SCUBE1: variants seen among roughly 807,000 people sequenced by gnomAD.
SCUBE1 encodes signal peptide, CUB domain and EGF like domain containing 1, also known as signal peptide, CUB and EGF-like domain-containing protein 1.
SCUBE1 carries 59 observed loss-of-function variants against 124.4 expected under a neutral mutation model. That is an observed-to-expected ratio of 0.47 (90% CI 0.38 to 0.59). The LOEUF is 0.59. SCUBE1 is among the 20% of genes least tolerant of loss of function. The probability of loss-of-function intolerance (pLI) is 0.00; values close to 1 mark genes in which losing one functional copy is unlikely to be tolerated. For missense variants in SCUBE1, 1,150 were observed against 1,371.2 expected, an observed-to-expected ratio of 0.84 and a Z score of 2.55; for synonymous variants, 545 against 550.9, an observed-to-expected ratio of 0.99 and a Z score of 0.15.
At chr22:43,325,520 A>G (rs1926698291) in intron 2 of SCUBE1, among the ~76,000 whole-genome samples, 1 of 150,206 alleles carries the variant, frequency 6.7e-6, no homozygotes, top group Admixed American at 6.6e-5. Flanking sequence ...AAGAGATTTC[A>G]TGGGTATTAT....
intron 10 of SCUBE1, among the ~76,000 whole-genome samples, chr22:43,227,002 AC>A (rs1404925238): frequency 6.6e-6 from 1 of 152,108 alleles, no homozygotes. Context: ...AGGGGAAGCT[AC>A]CAGAGGAGAG....
At chr22:43,339,064 C>T (rs1261152827) in intron 2 of SCUBE1, 40 bp downstream of exon 2, 3 of 1,609,618 alleles carry the variant, frequency 1.9e-6, no homozygotes, top group East Asian at 4.5e-5. Flanking sequence ...GCAGCCCTGG[C>T]AGCCTCAGGG....
chr22:43,339,104 C>T lies in SCUBE1; in HGVS notation c.220G>A (p.Asp74Asn). Residue 74 changes from aspartate to asparagine, a missense_variant and splice_region_variant, in exon 2 of 22, where the codon GAC (aspartate) becomes AAC (asparagine). Coordinates refer to ENST00000360835, the MANE Select transcript of SCUBE1 (RefSeq NM_173050.5). The part of the protein sequence containing the change: ...GYKGEGKQCE[D>N]IDECENDYYN... The stretch of plus-strand genomic sequence containing the variant: ...CCCGGGAGGGCCGGGCTGGACTCAC[C>T]TTCACACTGCTTGCCTTCCCCCTTG... The T allele has an allele frequency of 1.2e-6, 2 of 1,613,678 alleles. No homozygotes were observed. The highest frequency in any genetic ancestry group is 1.7e-6 in the Non-Finnish European group (2 of 1,179,674).
intron 2 of SCUBE1, among the ~76,000 whole-genome samples, chr22:43,335,825 GATGATGGTGATGATGATA>G (rs1927051831): frequency 6.6e-6 from 1 of 151,576 alleles, no homozygotes; most frequent in South Asian, 2.1e-4. Context: ...TGATGGTGAT[GATGATGGTGATGATGATA>G]ATGATGATGG....
intron 6 of SCUBE1, among the ~76,000 whole-genome samples, chr22:43,251,490 C>T (rs1923446025): frequency 6.6e-6 from 1 of 152,204 alleles, no homozygotes; most frequent in African/African-American, 2.4e-5. Context: ...CCTGGATTAT[C>T]TGGAGGGGCC....
chr22:43,237,175 CA>C (rs1480562562), intron 7 of SCUBE1, among the ~76,000 whole-genome samples: 1 of 152,178 alleles, frequency 6.6e-6, no homozygotes, highest in Non-Finnish European at 1.5e-5. Context: ...CCCTCAGAGC[CA>C]GAACCAGAGT....
rs1033469926 is a variant in SCUBE1 at position 43,245,450 on chromosome 22, G to A, written c.728-6496C>T. Reference sequence around the variant, plus strand: ...GGTGACAGTGCATGCAGGTGGTGGCGCGGGTGGGGTGGGGCTCAAGTGTGG... The same window carrying A: ...GGTGACAGTGCATGCAGGTGGTGGCACGGGTGGGGTGGGGCTCAAGTGTGG... On this transcript the variant is annotated intron_variant, in intron 6 of 21. Coordinates refer to ENST00000360835, the MANE Select transcript of SCUBE1 (RefSeq NM_173050.5). Among the ~76,000 whole-genome samples the A allele has an allele frequency of 3.3e-5, 5 of 152,308 alleles. No individual in the cohort carries two copies. The South Asian group carries it at 6.2e-4, about 19-fold the overall frequency.
At chr22:43,303,282 T>C (rs1925842944) in intron 3 of SCUBE1, among the ~76,000 whole-genome samples, 1 of 152,242 alleles carries the variant, frequency 6.6e-6, no homozygotes, top group African/African-American at 2.4e-5. Flanking sequence ...CCAGGTATCC[T>C]TGAGCGTGAG....
chr22:43,248,991 A>T (rs1215514248), intron 6 of SCUBE1, among the ~76,000 whole-genome samples: 1 of 152,166 alleles, frequency 6.6e-6, no homozygotes, highest in African/African-American at 2.4e-5. Flanking sequence ...AAGCTGGAAA[A>T]GACCTAGCTT....
chr22:43,253,440 G>A (rs551830700), intron 6 of SCUBE1, among the ~76,000 whole-genome samples: 3 of 152,200 alleles, frequency 2.0e-5, no homozygotes, highest in South Asian at 4.1e-4. Context: ...ACCAGAGGAG[G>A]AGAAGTCTCT....
intron 3 of SCUBE1, among the ~76,000 whole-genome samples, chr22:43,310,304 C>T (rs1926124681): frequency 6.6e-6 from 1 of 152,256 alleles, no homozygotes; most frequent in Non-Finnish European, 1.5e-5. Flanking sequence ...CCTCCCCTTA[C>T]CCCGGGCAGA....
intron 4 of SCUBE1, among the ~76,000 whole-genome samples, chr22:43,281,532 T>TCCCTCCTCAGCCACCCTCCTGTCACCTCC (rs2146738531): frequency 1.9e-5 from 1 of 53,902 alleles, no homozygotes; most frequent in East Asian, 3.8e-3. Context: ...TCCTGTCACC[T>TCCCTCCTCAGCCACCCTCCTGTCACCTCC]CCCTCAGTCA....
At position 43,343,262 on chromosome 22, in the gene SCUBE1, G is replaced by A; in HGVS notation, c.-1C>T. On this transcript the variant is annotated 5_prime_UTR_variant, in exon 1 of 22. Transcript: ENST00000360835. The stretch of plus-strand genomic sequence containing the variant: ...GCCAGCGCACGGCCGCCGCGCCCAT[G>A]CTCAATGCGGGCCCCGCTGGGCGTG... 2.6e-6 allele frequency: 3 copies of A among 1,145,518 alleles called. No individual in the cohort carries two copies. The highest frequency in any genetic ancestry group is 3.2e-6 in the Non-Finnish European group (3 of 933,552). 71.0% of individuals were successfully genotyped at this position (1,145,518 alleles called of 1,614,324 possible). A position where few individuals can be genotyped will look rare whatever the true frequency, so the allele number is the denominator to read the frequency against.
intron 9 of SCUBE1, among the ~76,000 whole-genome samples, 196 bp from the exon 10 acceptor site, chr22:43,227,692 C>T (rs1922381545): frequency 6.6e-6 from 1 of 152,182 alleles, no homozygotes; most frequent in Non-Finnish European, 1.5e-5. Context: ...CAGACCCCAG[C>T]GTCCCTTCCC....
chr22:43,314,746 G>A (rs1003120204), intron 3 of SCUBE1, among the ~76,000 whole-genome samples: 1 of 152,152 alleles, frequency 6.6e-6, no homozygotes, highest in Non-Finnish European at 1.5e-5. Flanking sequence ...CCGAGGGTGG[G>A]AAGGGCAGGG....
intron 3 of SCUBE1, among the ~76,000 whole-genome samples, chr22:43,315,511 C>T (rs1186734422): frequency 1.3e-5 from 2 of 152,138 alleles, no homozygotes; most frequent in Non-Finnish European, 2.9e-5. Flanking sequence ...TCCAAGAAGT[C>T]GGTTAACTAG....
Position 43,212,490 on chromosome 22 carries a change from G to A in SCUBE1, c.2156C>T (p.Pro719Leu), listed in dbSNP as rs777802664. 7.4e-5 allele frequency: 115 copies of A among 1,555,242 alleles called. No homozygotes were observed. Among genetic ancestry groups the A allele is most frequent in the South Asian group, 9.5e-5 (8 of 84,276 alleles). ...TTTGGTGAGCAAACCCCCTCCACAG[G>A]GGAAGCAGCCGGTGCGCCCGGGCTC... ...QPEPGRTGCFPCGGGLLTKHE... is the reference protein window; with the variant it reads ...QPEPGRTGCFLCGGGLLTKHE... The change falls in exon 17 of 22, where the codon CCC (proline) becomes CTC (leucine). Residue 719 changes from proline to leucine, a missense_variant. Physicochemically the swap from Pro to Leu is moderately conservative, Grantham distance 98. Around this residue, in one of 3 missense-constraint regions of SCUBE1, gnomAD observed 757 missense variants for 840.9 expected, o/e 0.90. Coordinates refer to ENST00000360835, the MANE Select transcript of SCUBE1 (RefSeq NM_173050.5).
At chr22:43,270,874 A>C (rs775258497) in intron 4 of SCUBE1, among the ~76,000 whole-genome samples, 3 of 152,240 alleles carry the variant, frequency 2.0e-5, no homozygotes, top group Non-Finnish European at 4.4e-5. Flanking sequence ...CCCTGCACCC[A>C]GTGCCCAAAG....
intron 10 of SCUBE1, among the ~76,000 whole-genome samples, chr22:43,224,198 T>C (rs1922216006): frequency 6.6e-6 from 1 of 152,242 alleles, no homozygotes; most frequent in Admixed American, 6.5e-5. Context: ...ACAGGTGTCC[T>C]TGGTCAACCC....
Sources: allele counts gnomAD v4.1 joint callset (sites outside exome capture counted in the v4.1 genomes callset), GRCh38; gene constraint gnomAD v4.1.1; regional missense constraint gnomAD v4.1.1; transcripts MANE v1.5; gene names NCBI Gene and HGNC (gene_info 2026-07-23, HGNC 2026-07-21).